The following EFCAB6 variants were observed in gnomAD, a reference collection of about 807,000 sequenced individuals.
EFCAB6 encodes EF-hand calcium-binding domain-containing protein 6.
In EFCAB6, 156 loss-of-function variants were observed where a neutral mutation model predicts 169.8. The ratio of observed to expected loss-of-function variants is 0.92; its 90% CI spans 0.81 to 1.05. The LOEUF (loss-of-function observed/expected upper bound fraction) is 1.05. Among genes scored for constraint, EFCAB6 ranks in the 50% least tolerant of loss-of-function variants. The probability of loss-of-function intolerance (pLI) is 0.00; values close to 1 mark genes in which losing one functional copy is unlikely to be tolerated. For missense variants in EFCAB6, 1,800 were observed against 1,829.1 expected (o/e 0.98, Z 0.29); for synonymous variants, 698 against 676.4 (o/e 1.03, Z -0.50).
At chr22:43,532,819 G>A (rs1316783564) in intron 30 of EFCAB6, among the ~76,000 whole-genome samples, 1 of 152,176 alleles carries the variant, frequency 6.6e-6, no homozygotes. Flanking sequence ...GAGTGGGAGC[G>A]GGGCCAGGTG....
At chr22:43,708,719 A>G (rs1358994505) in intron 10 of EFCAB6, among the ~76,000 whole-genome samples, 1 of 152,254 alleles carries the variant, frequency 6.6e-6, no homozygotes, top group Non-Finnish European at 1.5e-5. Context: ...ATAGACCACA[A>G]AAGGCATTCA....
Position 43,588,932 on chromosome 22 carries a change from C to T in EFCAB6, c.3032+1142G>A, listed in dbSNP as rs112353061. On this transcript the variant is annotated intron_variant, in intron 24 of 31. Transcript: ENST00000262726. ...GCAAACCAAAACTGACGCAGCAATACGATAGGCATGTGGCATGCGGAGGTA... is the reference window on the plus strand; with the variant it reads ...GCAAACCAAAACTGACGCAGCAATATGATAGGCATGTGGCATGCGGAGGTA... Among the ~76,000 whole-genome samples, 547 of 152,016 alleles carry T rather than the reference C, an allele frequency of 3.6e-3. 7 individuals carry two copies. The highest frequency in any genetic ancestry group is 0.012 in the African/African-American group (512 of 41,460).
chr22:43,617,213 C>T (rs1051811203), intron 20 of EFCAB6, among the ~76,000 whole-genome samples: 1 of 152,188 alleles, frequency 6.6e-6, no homozygotes, highest in African/African-American at 2.4e-5. Flanking sequence ...TGCATTTTTA[C>T]AATTTTTGCT....
At chr22:43,651,613 T>C (rs943272901) in intron 17 of EFCAB6, among the ~76,000 whole-genome samples, 1 of 152,282 alleles carries the variant, frequency 6.6e-6, no homozygotes, top group African/African-American at 2.4e-5. Context: ...CCCAGAACGG[T>C]AGATCCACTG....
At chr22:43,788,920 G>A (rs2062173098) in intron 2 of EFCAB6, among the ~76,000 whole-genome samples, 1 of 152,334 alleles carries the variant, frequency 6.6e-6, no homozygotes, top group Admixed American at 6.5e-5. Context: ...ATGAAGTCCA[G>A]ATTCATGCAG....
chr22:43,698,239 A>G (rs1479937109), intron 10 of EFCAB6, among the ~76,000 whole-genome samples: 1 of 152,186 alleles, frequency 6.6e-6, no homozygotes, highest in East Asian at 1.9e-4. Context: ...CTGAGCCCTC[A>G]GCCCAGTCCC....
At chr22:43,579,147 T>G (rs1379709936) in intron 25 of EFCAB6, among the ~76,000 whole-genome samples, 1 of 144,832 alleles carries the variant, frequency 6.9e-6, no homozygotes, top group African/African-American at 2.6e-5. Flanking sequence ...TCTGTACACG[T>G]AGGCATCATT....
chr22:43,607,288 T>A (rs2052992865), intron 22 of EFCAB6, among the ~76,000 whole-genome samples: 1 of 152,152 alleles, frequency 6.6e-6, no homozygotes, highest in South Asian at 2.1e-4. Flanking sequence ...GCTAGCCCCA[T>A]GCTCCTGCCT....
chr22:43,729,906 C>G (rs1393332716), intron 8 of EFCAB6, among the ~76,000 whole-genome samples: 1 of 152,040 alleles, frequency 6.6e-6, no homozygotes, highest in East Asian at 2.0e-4. Flanking sequence ...CGCCTGTAAT[C>G]CCAGCTCTTT....
In EFCAB6 at chr22:43,540,267, C is replaced by T. The variant is rs766355878; in HGVS notation, c.3739G>A (p.Ala1247Thr). The T allele has an allele frequency of 1.2e-6, 2 of 1,614,254 alleles. No homozygotes were observed. The highest frequency in any genetic ancestry group is 2.2e-5 in the East Asian group (1 of 44,888). Residue 1247 changes from alanine to threonine, a missense_variant, in exon 28 of 32, where the codon GCC becomes ACC. By Grantham distance (58) the Ala-to-Thr change is moderately conservative. Transcript: ENST00000262726. Reference protein sequence around the residue: ...FLSRFSSETAATPMATGDSAV... With the variant: ...FLSRFSSETATTPMATGDSAV... ...GAGTCACCAGTGGCCATTGGTGTGGCTGCTGTCTCGGAACTGAACCTGCTC... is the reference window on the plus strand; with the variant it reads ...GAGTCACCAGTGGCCATTGGTGTGGTTGCTGTCTCGGAACTGAACCTGCTC...
intron 15 of EFCAB6, among the ~76,000 whole-genome samples, chr22:43,670,832 G>A (rs993204888): frequency 2.6e-5 from 4 of 152,208 alleles, no homozygotes; most frequent in African/African-American, 9.6e-5. Context: ...TTCAAGGAGT[G>A]GAAAGCAGGT....
intron 2 of EFCAB6, among the ~76,000 whole-genome samples, chr22:43,799,252 C>T (rs377565825): frequency 1.3e-5 from 2 of 151,870 alleles, no homozygotes; most frequent in East Asian, 3.9e-4. Flanking sequence ...ATCACTTGAG[C>T]CCAGGAGTTC....
chr22:43,724,263 T>C (rs747856939), intron 8 of EFCAB6, among the ~76,000 whole-genome samples: 4 of 152,160 alleles, frequency 2.6e-5, no homozygotes, highest in African/African-American at 4.8e-5. Flanking sequence ...TGCAACTGTA[T>C]AAAAAGGATG....
At chr22:43,622,461 G>T (rs1288346047) in intron 20 of EFCAB6, among the ~76,000 whole-genome samples, 1 of 152,128 alleles carries the variant, frequency 6.6e-6, no homozygotes, top group African/African-American at 2.4e-5. Context: ...AGTTACTTGG[G>T]AGTCTGAGGC....
chr22:43,721,189 A>G (rs1438900956), intron 8 of EFCAB6, among the ~76,000 whole-genome samples: 1 of 152,224 alleles, frequency 6.6e-6, no homozygotes, highest in Non-Finnish European at 1.5e-5. Context: ...AGATCTCTAC[A>G]AGAAGAAGCA....
intron 23 of EFCAB6, among the ~76,000 whole-genome samples, chr22:43,592,788 C>T (rs143717929): frequency 7.7e-4 from 117 of 152,290 alleles, no homozygotes; most frequent in Non-Finnish European, 1.4e-3. Flanking sequence ...TCTCAATTTG[C>T]GTTTTCGAAC....
At chr22:43,529,849 C>G (rs1260623892) in intron 31 of EFCAB6, among the ~76,000 whole-genome samples, 1 of 152,236 alleles carries the variant, frequency 6.6e-6, no homozygotes, top group Admixed American at 6.5e-5. Flanking sequence ...CCTTAAGCTG[C>G]TATTTTCCCC....
chr22:43,671,377 T>G (rs1167113963), intron 15 of EFCAB6, among the ~76,000 whole-genome samples: 5 of 152,116 alleles, frequency 3.3e-5, no homozygotes, highest in African/African-American at 1.2e-4. Flanking sequence ...TAATTTTGTA[T>G]TTTTAGTAGA....
At chr22:43,666,630 C>G (rs1397662532) in intron 17 of EFCAB6, among the ~76,000 whole-genome samples, 1 of 151,342 alleles carries the variant, frequency 6.6e-6, no homozygotes, top group African/African-American at 2.4e-5. Context: ...CAGAAACTCA[C>G]CAGTTCCCAT....
Sources: allele counts gnomAD v4.1 joint callset (sites outside exome capture counted in the v4.1 genomes callset), GRCh38; gene constraint gnomAD v4.1.1; transcripts MANE v1.5; gene names NCBI Gene and HGNC (gene_info 2026-07-23, HGNC 2026-07-21).